MPP3: variants seen among roughly 807,000 people sequenced by gnomAD.
The protein encoded by MPP3 is MAGUK p55 subfamily member 3.
MPP3 carries 48 observed loss-of-function variants against 80.7 expected under a neutral mutation model. The observed-to-expected ratio is 0.59, with a 90% CI of 0.47 to 0.76. The LOEUF (loss-of-function observed/expected upper bound fraction) is 0.76. MPP3 is among the 30% of genes least tolerant of loss of function. The pLI, the probability that MPP3 is intolerant of heterozygous loss-of-function variation, is 0.00. For missense variants in MPP3, 620 were observed against 763.0 expected (o/e 0.81, Z 2.21); for synonymous variants, 311 against 297.6 (o/e 1.04, Z -0.46).
chr17:43,807,331 A>G (rs2044662905), intron 19 of MPP3, among the ~76,000 whole-genome samples: 1 of 147,996 alleles, frequency 6.8e-6, no homozygotes, highest in Non-Finnish European at 1.5e-5. Context: ...TTTTTTTTTG[A>G]GACAGAGTCT....
intron 19 of MPP3, among the ~76,000 whole-genome samples, chr17:43,802,458 T>C (rs1884491575): frequency 6.6e-6 from 1 of 152,202 alleles, no homozygotes. Flanking sequence ...AAAGTGGAGT[T>C]ATTTAAGAAA....
chr17:43,821,085 G>A (rs758623648), intron 10 of MPP3, 27 bp from the exon 11 acceptor site: 34 of 1,608,198 alleles, frequency 2.1e-5, no homozygotes, highest in East Asian at 1.1e-4. Context: ...CTGGTGAGGC[G>A]GCCCTTCCCC....
At chr17:43,825,973 TG>T in intron 8 of MPP3, 132 bp from the exon 9 acceptor site, 1 of 646,290 alleles carries the variant, frequency 1.5e-6, no homozygotes, top group Non-Finnish European at 2.8e-6. Context: ...AGTTGATGGG[TG>T]GGACTGGGGC....
chr17:43,821,114 C>T, intron 10 of MPP3, 56 bp from the exon 11 acceptor site: 1 of 1,552,922 alleles, frequency 6.4e-7, no homozygotes, highest in Non-Finnish European at 8.8e-7. Flanking sequence ...ACAGACAGGT[C>T]ATTGTCACAT....
chr17:43,815,113 A>C (rs1266831734), intron 14 of MPP3, among the ~76,000 whole-genome samples: 4 of 152,234 alleles, frequency 2.6e-5, no homozygotes, highest in Non-Finnish European at 5.9e-5. Context: ...CAGGCAGATC[A>C]CTTGATCTCA....
intron 8 of MPP3, 63 bp downstream of exon 8, chr17:43,827,688 T>G: frequency 1.3e-6 from 2 of 1,535,178 alleles, no homozygotes; most frequent in East Asian, 2.3e-5. Context: ...TTAGCAAAGG[T>G]GGAGGGCTCT....
intron 10 of MPP3, 80 bp from the exon 11 acceptor site, chr17:43,821,138 A>T (rs1598351787): frequency 7.2e-7 from 1 of 1,388,076 alleles, no homozygotes; most frequent in East Asian, 2.4e-5. Context: ...AGGCCACATG[A>T]CAACGACCAT....
At chr17:43,832,057 G>T in intron 2 of MPP3, 114 bp from the exon 3 acceptor site, 1 of 721,042 alleles carries the variant, frequency 1.4e-6, no homozygotes. Flanking sequence ...GAGAGGATGG[G>T]AACAAATAAC....
rs1198812139 is a variant in MPP3, at chr17:43,830,165, C to T, written c.223-58G>A. The T allele has an allele frequency of 2.3e-6, 3 of 1,323,088 alleles. No homozygotes were observed. In the African/African-American group the frequency reaches 4.5e-5, roughly 20 times the overall value. 82.0% of individuals were successfully genotyped at this position (1,323,088 alleles called of 1,614,324 possible). Reference sequence around the variant, plus strand: ...TAGAGGTGCCCCTGCCCCATATCTGCTGGGTCCTTCCTCTTTGGAAGGGCC... The same window carrying T: ...TAGAGGTGCCCCTGCCCCATATCTGTTGGGTCCTTCCTCTTTGGAAGGGCC... On this transcript the variant is annotated intron_variant, in intron 5 of 19. Coordinates refer to ENST00000398389, the MANE Select transcript of MPP3 (RefSeq NM_001932.6).
rs533894150 is a variant in MPP3, at chr17:43,821,002, G to A, written c.741C>T (p.Cys247=). ...YNPREDRAIP[C]QEAGLPFQRR... ...GCTGGAAGGGCAGGCCCGCCTCCTGGCAAGGGATGGCCCGGTCCTCCCGAG... is the reference window on the plus strand; with the variant it reads ...GCTGGAAGGGCAGGCCCGCCTCCTGACAAGGGATGGCCCGGTCCTCCCGAG... The change falls in exon 11 of 20, where the codon TGC becomes TGT. Residue 247 remains cysteine, a synonymous_variant. Transcript: ENST00000398389. 1 of 1,614,086 alleles carries A rather than the reference G, an allele frequency of 6.2e-7. No homozygotes were observed. The highest frequency in any genetic ancestry group is 1.3e-5 in the African/African-American group (1 of 75,068).
intron 8 of MPP3, among the ~76,000 whole-genome samples, chr17:43,827,171 C>A (rs2045742959): frequency 6.6e-6 from 1 of 152,070 alleles, no homozygotes; most frequent in Admixed American, 6.6e-5. Context: ...CATGTGCCAC[C>A]AAGCCTGGCT....
intron 11 of MPP3, 48 bp downstream of exon 11, chr17:43,820,814 G>T: frequency 1.3e-6 from 2 of 1,578,576 alleles, no homozygotes; most frequent in South Asian, 1.1e-5. Flanking sequence ...ATGTACCTGT[G>T]CCTCTGCCAC....
Position 43,811,138 on chromosome 17 carries a change from T to G in MPP3, c.1323A>C (p.Ala441=). 1 of 1,614,204 alleles carries G rather than the reference T, an allele frequency of 6.2e-7. No homozygotes were observed. Among genetic ancestry groups the G allele is most frequent in the African/African-American group, 1.3e-5 (1 of 75,058 alleles). Residue 441 remains alanine (A), a synonymous_variant, in exon 17 of 20, where the codon GCA becomes GCC. Transcript: ENST00000398389. Reference sequence around the variant, plus strand: ...TGTTGTGATGTAAGTCGGCCTCAAATGCTTGCTTAGACACAAAGTGATATT... The same window carrying G: ...TGTTGTGATGTAAGTCGGCCTCAAAGGCTTGCTTAGACACAAAGTGATATT... The part of the protein sequence containing the change: ...GVEYHFVSKQ[A]FEADLHHNKF...
At chr17:43,823,698 C>T (rs2045565390) in intron 10 of MPP3, among the ~76,000 whole-genome samples, 1 of 152,168 alleles carries the variant, frequency 6.6e-6, no homozygotes, top group African/African-American at 2.4e-5. Flanking sequence ...TTAAAATAAC[C>T]TTGTCTTTTA....
rs1006515219 is a variant in MPP3, at chr17:43,812,004, T to C, written c.1256-799A>G. 5.9e-5 allele frequency among the ~76,000 whole-genome samples: 9 copies of C among 152,362 alleles called. No individual in the cohort carries two copies. In the East Asian group the frequency reaches 1.2e-3, roughly 20 times the overall value. Reference sequence around the variant, plus strand: ...GAGCCACACATACACTTGACCCTGATGTATGCTTTTAATTCTTTAGTCAAT... The same window carrying C: ...GAGCCACACATACACTTGACCCTGACGTATGCTTTTAATTCTTTAGTCAAT... On this transcript the variant is annotated intron_variant, in intron 16 of 19. Coordinates refer to ENST00000398389, the MANE Select transcript of MPP3 (RefSeq NM_001932.6).
intron 8 of MPP3, among the ~76,000 whole-genome samples, chr17:43,826,832 T>TATATATAGATATA (rs1567824060): frequency 9.0e-6 from 1 of 110,742 alleles, no homozygotes; most frequent in African/African-American, 3.8e-5. Context: ...ATATATATAT[T>TATATATAGATATA]TTTTTTTTTT....
At chr17:43,817,508 A>G (rs2045204169) in intron 12 of MPP3, among the ~76,000 whole-genome samples, 1 of 152,236 alleles carries the variant, frequency 6.6e-6, no homozygotes, top group South Asian at 2.1e-4. Flanking sequence ...CAAATATTGC[A>G]CAGGACATAC....
chr17:43,812,966 T>TGGGCCCAG lies in MPP3; in HGVS notation c.1255+1037_1255+1044dup, dbSNP rs370954233. On this transcript the variant is annotated intron_variant, in intron 16 of 19. Coordinates refer to ENST00000398389, the MANE Select transcript of MPP3 (RefSeq NM_001932.6). ...CTCTGACAACCCACAGACTAGACGC[T>TGGGCCCAG]GGGCCCAGGGGCCCAGGGAGAGCGG... 4.4e-3 allele frequency among the ~76,000 whole-genome samples: 672 copies of TGGGCCCAG among 152,284 alleles called. 3 individuals carry two copies. Among genetic ancestry groups the TGGGCCCAG allele is most frequent in the African/African-American group, 0.015 (643 of 41,562 alleles).
chr17:43,814,815 G>C (rs1231023985), intron 14 of MPP3, among the ~76,000 whole-genome samples: 1 of 152,192 alleles, frequency 6.6e-6, no homozygotes, highest in African/African-American at 2.4e-5. Flanking sequence ...ACTGCCCTGA[G>C]AAAGTCCTTG....
Sources: gnomAD v4.1 joint callset for allele counts (sites outside exome capture counted in the v4.1 genomes callset) on GRCh38, gnomAD v4.1.1 for gene constraint, MANE v1.5 for transcripts, NCBI Gene and HGNC (gene_info 2026-07-23, HGNC 2026-07-21) for gene names.